Variants in AFF3 observed in about 807,000 individuals in gnomAD.
AFF3 encodes the protein AF4/FMR2 family member 3.
A neutral mutation model predicts 129.7 loss-of-function variants in AFF3; 32 were observed. The ratio of observed to expected loss-of-function variants is 0.25; its 90% CI spans 0.19 to 0.33. The LOEUF is 0.33. AFF3 is among the 10% of genes least tolerant of loss of function. The probability of loss-of-function intolerance (pLI) is 1.00; values close to 1 mark genes in which losing one functional copy is unlikely to be tolerated. For synonymous variants in AFF3, 644 were observed against 635.4 expected, an observed-to-expected ratio of 1.01 and a Z score of -0.20; for missense variants, 1,373 against 1,592.0, an observed-to-expected ratio of 0.86 and a Z score of 2.34.
intron 4 of AFF3, among the ~76,000 whole-genome samples, chr2:100,024,949 T>C (rs538902362): frequency 6.6e-6 from 1 of 152,312 alleles, no homozygotes; most frequent in Admixed American, 6.5e-5. Context: ...TCTTCTGCTT[T>C]AGTTGGGGGT....
At position 99,587,169 on chromosome 2, in the gene AFF3, T is replaced by G; in HGVS notation, c.2576A>C (p.Asn859Thr). Residue 859 changes from asparagine (N) to threonine (T), a missense_variant, in exon 16 of 25, where the codon AAC (asparagine) becomes ACC (threonine). Around this residue, in one of 9 missense-constraint regions of AFF3, gnomAD observed 466 missense variants for 505.0 expected, o/e 0.92. Transcript: ENST00000672756. The part of the protein sequence containing the change: ...TSNTLSANHC[N>T]MNINSVAIPI... ...ATGCACGTACCTGTTGATGTTCATG[T>G]TGCAGTGGTTTGCAGACAAAGTATT... is the stretch of plus-strand genomic sequence containing the variant. 3 of 1,614,056 alleles carry G rather than the reference T, an allele frequency of 1.9e-6. No homozygotes were observed. Among genetic ancestry groups the G allele is most frequent in the Non-Finnish European group, 2.5e-6 (3 of 1,180,030 alleles).
chr2:99,815,139 A>G (rs1576070427), intron 8 of AFF3, among the ~76,000 whole-genome samples: 2 of 34,308 alleles, frequency 5.8e-5, no homozygotes, highest in East Asian at 5.7e-4. Context: ...GGGAGGAAGT[A>G]GCCCACAAAA....
intron 1 of AFF3, among the ~76,000 whole-genome samples, chr2:100,142,200 G>T (rs1008592750): frequency 2.6e-5 from 4 of 150,946 alleles, no homozygotes; most frequent in Non-Finnish European, 5.9e-5. Context: ...TTCTTTATGT[G>T]CACCCTCTAC....
At chr2:99,901,094 A>T (rs1342967688) in intron 7 of AFF3, among the ~76,000 whole-genome samples, 1 of 152,250 alleles carries the variant, frequency 6.6e-6, no homozygotes, top group African/African-American at 2.4e-5. Flanking sequence ...GCATGCATGC[A>T]ATCTGGCTAT....
rs1322464609 is a variant in AFF3 at position 100,105,549 on chromosome 2, C to A, written c.-110G>T. 7.5e-7 allele frequency: 1 copy of A among 1,331,992 alleles called. No individual in the cohort carries two copies. The highest frequency in any genetic ancestry group is 2.3e-5 in the Admixed American group (1 of 44,172). The allele number at this position is 1,331,992 out of a possible 1,614,324, so 82.5% of individuals were successfully genotyped here. A position where few individuals can be genotyped will look rare whatever the true frequency, so the allele number is the denominator to read the frequency against. On this transcript the variant is annotated 5_prime_UTR_variant, in exon 3 of 25. Transcript: ENST00000672756. Reference sequence around the variant, plus strand: ...CCTCTGGGTGTCGACTTCAAACTTGCCGCCCGTCTCCGGTCTGGAAAGGCA... The same window carrying A: ...CCTCTGGGTGTCGACTTCAAACTTGACGCCCGTCTCCGGTCTGGAAAGGCA...
At chr2:99,599,361 C>A (rs972508587) in intron 14 of AFF3, among the ~76,000 whole-genome samples, 2 of 152,168 alleles carry the variant, frequency 1.3e-5, no homozygotes, top group East Asian at 3.9e-4. Flanking sequence ...AGGGTTCAAG[C>A]GATTCTCCTG....
intron 4 of AFF3, among the ~76,000 whole-genome samples, chr2:100,101,603 CTT>C (rs1283651443): frequency 1.4e-5 from 2 of 141,164 alleles, no homozygotes; most frequent in South Asian, 2.4e-4. Flanking sequence ...GGCTCTCTCT[CTT>C]TGTTATTTTA....
At chr2:99,727,901 T>C (rs1169266201) in intron 10 of AFF3, among the ~76,000 whole-genome samples, 6 of 152,144 alleles carry the variant, frequency 3.9e-5, no homozygotes, top group South Asian at 2.1e-4. Context: ...GGTTGCACTG[T>C]AGGTCCCAAG....
intron 2 of AFF3, among the ~76,000 whole-genome samples, chr2:100,108,053 G>GCCCCTACAGCATCTCCTCCAGCTTTGT (rs71250698): frequency 0.14 from 21,393 of 151,452 alleles, 1,801 homozygotes; most frequent in East Asian, 0.27. Flanking sequence ...AGCTGCCTCA[G>GCCCCTACAGCATCTCCTCCAGCTTTGT]CCCCTACAGC....
At chr2:99,759,275 T>C (rs1682384674) in intron 8 of AFF3, among the ~76,000 whole-genome samples, 1 of 152,246 alleles carries the variant, frequency 6.6e-6, no homozygotes, top group South Asian at 2.1e-4. Context: ...CTTTCTCCAA[T>C]GTGAAATAAA....
At chr2:99,771,368 C>A (rs1357468438) in intron 8 of AFF3, among the ~76,000 whole-genome samples, 1 of 150,832 alleles carries the variant, frequency 6.6e-6, no homozygotes, top group Non-Finnish European at 1.5e-5. Context: ...ATGTAATAAG[C>A]CTGCATATCC....
intron 11 of AFF3, among the ~76,000 whole-genome samples, chr2:99,713,262 G>A (rs1026923765): frequency 9.5e-5 from 13 of 137,010 alleles, no homozygotes; most frequent in African/African-American, 3.6e-4. Context: ...TATTCTGCCA[G>A]AGTTAATTTT....
rs535775899 is a variant in AFF3 at position 100,100,922 on chromosome 2, G to A, written c.53+3480C>T. On this transcript the variant is annotated intron_variant, in intron 4 of 24. Transcript: ENST00000672756. ...ATATCTGCTGCCCCTGTAAACTCACGGAATGCCCAACTCTTCAAGACTCTA... is the reference window on the plus strand; with the variant it reads ...ATATCTGCTGCCCCTGTAAACTCACAGAATGCCCAACTCTTCAAGACTCTA... Among the ~76,000 whole-genome samples the A allele has an allele frequency of 3.2e-4, 49 of 152,324 alleles. No homozygotes were observed. In the South Asian group the frequency reaches 7.2e-3, roughly 23 times the overall value.
intron 8 of AFF3, among the ~76,000 whole-genome samples, chr2:99,801,965 T>C (rs1685975184): frequency 6.6e-6 from 1 of 152,258 alleles, no homozygotes; most frequent in Non-Finnish European, 1.5e-5. Flanking sequence ...TTTACATGTA[T>C]ATTATGTATC....
At chr2:99,700,760 G>A (rs1214567792) in intron 11 of AFF3, among the ~76,000 whole-genome samples, 1 of 152,196 alleles carries the variant, frequency 6.6e-6, no homozygotes, top group Non-Finnish European at 1.5e-5. Context: ...ACTTGCAATT[G>A]TGCTGCAGAA....
At chr2:99,738,353 T>G (rs749680364) in intron 10 of AFF3, among the ~76,000 whole-genome samples, 24 of 152,144 alleles carry the variant, frequency 1.6e-4, no homozygotes, top group Non-Finnish European at 2.9e-4. Flanking sequence ...CAACTTTATA[T>G]TCAACGTTTC....
At chr2:99,786,784 C>T (rs1684825499) in intron 8 of AFF3, among the ~76,000 whole-genome samples, 2 of 152,102 alleles carry the variant, frequency 1.3e-5, no homozygotes, top group South Asian at 2.1e-4. Context: ...TTCAATGTGC[C>T]GTGGAGTTTT....
At chr2:99,899,630 C>T (rs1269089149) in intron 7 of AFF3, among the ~76,000 whole-genome samples, 1 of 152,186 alleles carries the variant, frequency 6.6e-6, no homozygotes, top group Non-Finnish European at 1.5e-5. Context: ...GACAGTTCCG[C>T]TACCTGAACG....
intron 7 of AFF3, among the ~76,000 whole-genome samples, chr2:99,969,472 T>TC: frequency 6.6e-6 from 1 of 151,652 alleles, no homozygotes; most frequent in African/African-American, 2.4e-5. Context: ...AATTTTATTT[T>TC]ATTTTCATTT....
Sources: allele counts gnomAD v4.1 joint callset (sites outside exome capture counted in the v4.1 genomes callset), GRCh38; gene constraint gnomAD v4.1.1; regional missense constraint gnomAD v4.1.1; transcripts MANE v1.5; gene names NCBI Gene and HGNC (gene_info 2026-07-23, HGNC 2026-07-21).